Variants in DAOA observed in about 807,000 individuals in gnomAD.
DAOA encodes the protein D-amino acid oxidase regulator.
A neutral mutation model predicts 16.4 loss-of-function variants in DAOA; 15 were observed. The observed-to-expected ratio is 0.91, with a 90% CI of 0.61 to 1.41. The LOEUF is 1.41. Among genes scored for constraint, DAOA ranks in the 40% most tolerant of loss-of-function variants. The pLI, the probability that DAOA is intolerant of heterozygous loss-of-function variation, is 0.00. For synonymous variants in DAOA, 75 were observed against 59.1 expected, an observed-to-expected ratio of 1.27 and a Z score of -1.23; for missense variants, 230 against 176.8, an observed-to-expected ratio of 1.30 and a Z score of -1.71.
intron 3 of DAOA, 123 bp from the exon 4 acceptor site, chr13:105,472,415 C>A (rs1489509564): frequency 7.4e-7 from 1 of 1,353,482 alleles, no homozygotes. Context: ...AACCAAAAAC[C>A]TCTGAAAAAT....
intron 4 of DAOA, among the ~76,000 whole-genome samples, chr13:105,479,285 T>C (rs1303907207): frequency 6.6e-6 from 1 of 152,210 alleles, no homozygotes; most frequent in Non-Finnish European, 1.5e-5. Context: ...TACAGAAGTG[T>C]AAGAATGCTA....
At chr13:105,489,122 T>C (rs1878334423) in intron 4 of DAOA, among the ~76,000 whole-genome samples, 1 of 152,210 alleles carries the variant, frequency 6.6e-6, no homozygotes, top group African/African-American at 2.4e-5. Flanking sequence ...ACTTAGTGTG[T>C]CCAGGAAATT....
intron 4 of DAOA, among the ~76,000 whole-genome samples, chr13:105,473,852 T>C (rs929444562): frequency 6.6e-6 from 1 of 152,146 alleles, no homozygotes; most frequent in African/African-American, 2.4e-5. Context: ...CTAATCTTTT[T>C]GTACTACAGG....
At position 105,490,051 on chromosome 13, in the gene DAOA, C is replaced by T; in HGVS notation, c.432C>T (p.His144=). 1 of 1,583,832 alleles carries T rather than the reference C, an allele frequency of 6.3e-7. No homozygotes were observed. Among genetic ancestry groups the T allele is most frequent in the East Asian group, 2.3e-5 (1 of 43,290 alleles). ...YNQQKDQSCN[H]KEITSTKAE The stretch of plus-strand genomic sequence containing the variant: ...AGCAAAAAGACCAGTCATGCAACCA[C>T]AAGGAAATAACTTCTACCAAAGCTG... Residue 144 remains histidine (H), a synonymous_variant, in exon 5 of 6, where the codon CAC becomes CAT. Transcript: ENST00000375936.
intron 4 of DAOA, among the ~76,000 whole-genome samples, chr13:105,487,768 G>A (rs1438118314): frequency 2.6e-5 from 4 of 151,972 alleles, no homozygotes; most frequent in African/African-American, 9.7e-5. Context: ...TCTTTTGTTT[G>A]GGCTAAACAT....
intron 3 of DAOA, among the ~76,000 whole-genome samples, chr13:105,468,297 G>T (rs1198939726): frequency 6.6e-6 from 1 of 152,124 alleles, no homozygotes; most frequent in East Asian, 1.9e-4. Context: ...GACATTTTTG[G>T]GGGGTGGAGC....
At chr13:105,471,542 A>G (rs1002310877) in intron 3 of DAOA, among the ~76,000 whole-genome samples, 1 of 152,194 alleles carries the variant, frequency 6.6e-6, no homozygotes, top group Non-Finnish European at 1.5e-5. Context: ...TAAGAAAGGG[A>G]GTGCTATTTG....
chr13:105,480,528 A>G (rs1310903010), intron 4 of DAOA, among the ~76,000 whole-genome samples: 2 of 40,412 alleles, frequency 4.9e-5, no homozygotes, highest in Non-Finnish European at 1.1e-4. Context: ...GGATAGATAC[A>G]TAGATAGATA....
chr13:105,484,004 A>T lies in DAOA; in HGVS notation c.282-5897A>T, dbSNP rs897575518. Among the ~76,000 whole-genome samples, 125 of 152,206 alleles carry T rather than the reference A, an allele frequency of 8.2e-4. 3 individuals carry two copies. Among genetic ancestry groups the T allele is most frequent in the African/African-American group, 2.8e-3 (115 of 41,564 alleles). ...TCATATGTTTTCTTCCATGAGTTTTATAGTTAAAGATTTTACACCAACATC... is the reference window on the plus strand; with the variant it reads ...TCATATGTTTTCTTCCATGAGTTTTTTAGTTAAAGATTTTACACCAACATC... On this transcript the variant is annotated intron_variant, in intron 4 of 5. Coordinates refer to ENST00000375936, the MANE Select transcript of DAOA (RefSeq NM_172370.5).
chr13:105,489,542 A>C (rs1469295166), intron 4 of DAOA, among the ~76,000 whole-genome samples: 1 of 152,202 alleles, frequency 6.6e-6, no homozygotes, highest in African/African-American at 2.4e-5. Context: ...CAATAAGTAA[A>C]GTCATACAAA....
chr13:105,470,116 A>AT (rs33937275), intron 3 of DAOA, among the ~76,000 whole-genome samples: 65,162 of 142,210 alleles, frequency 0.46, 15,101 homozygotes, highest in African/African-American at 0.54. Flanking sequence ...GCTCATTGGA[A>AT]TTTTTTTTTT....
Position 105,466,214 on chromosome 13 carries a change from A to G in DAOA, c.-73-2A>G. 1 of 1,606,946 alleles carries G rather than the reference A, an allele frequency of 6.2e-7. No homozygotes were observed. Among genetic ancestry groups the G allele is most frequent in the Non-Finnish European group, 8.5e-7 (1 of 1,176,142 alleles). On this transcript the variant is annotated splice_acceptor_variant, in intron 1 of 5. Transcript: ENST00000375936. LOFTEE classifies it low-confidence loss of function (5UTR_SPLICE). ...GTGTATATGATGATTCTGTTGGTCC[A>G]GGATTTGGAAAGGGCATGGCAGGAG...
At chr13:105,486,474 T>C (rs1176971968) in intron 4 of DAOA, among the ~76,000 whole-genome samples, 1 of 152,164 alleles carries the variant, frequency 6.6e-6, no homozygotes, top group Non-Finnish European at 1.5e-5. Flanking sequence ...CGTTGACCTA[T>C]ATAGTGTCAT....
At chr13:105,478,876 G>GA (rs915711930) in intron 4 of DAOA, among the ~76,000 whole-genome samples, 1 of 152,032 alleles carries the variant, frequency 6.6e-6, no homozygotes, top group African/African-American at 2.4e-5. Context: ...CTACTTGGCT[G>GA]AAAAAATGGG....
At position 105,490,092 on chromosome 13, in the gene DAOA, A is replaced by C. The variant is rs1344050225; in HGVS notation, c.*11A>C. On this transcript the variant is annotated 3_prime_UTR_variant, in exon 5 of 6. Transcript: ENST00000375936. ...ACCAAAGCTGAATGAGTTTGGAAGC[A>C]GATTCTTCCCAGCCAATCCTTCTGA... is the stretch of plus-strand genomic sequence containing the variant. 7.8e-6 allele frequency: 12 copies of C among 1,546,566 alleles called. No individual in the cohort carries two copies. The highest frequency in any genetic ancestry group is 9.6e-6 in the Non-Finnish European group (11 of 1,143,360).
chr13:105,471,016 C>T (rs965191481), intron 3 of DAOA, among the ~76,000 whole-genome samples: 8 of 152,066 alleles, frequency 5.3e-5, no homozygotes, highest in Non-Finnish European at 1.5e-5. Context: ...TCTTGATCTC[C>T]TGACCTTGTG....
At chr13:105,481,905 T>C (rs554801621) in intron 4 of DAOA, among the ~76,000 whole-genome samples, 1 of 152,312 alleles carries the variant, frequency 6.6e-6, no homozygotes, top group East Asian at 1.9e-4. Flanking sequence ...CTCACACTGC[T>C]AATAAAGACA....
intron 4 of DAOA, among the ~76,000 whole-genome samples, chr13:105,477,788 G>A (rs9284226): frequency 0.36 from 54,661 of 151,926 alleles, 9,973 homozygotes; most frequent in African/African-American, 0.4. Context: ...GATATTTATC[G>A]GGTATCTACC....
chr13:105,484,544 A>G (rs921543273), intron 4 of DAOA, among the ~76,000 whole-genome samples: 2 of 152,082 alleles, frequency 1.3e-5, no homozygotes, highest in Non-Finnish European at 2.9e-5. Context: ...ATTTTGTCAG[A>G]TTTATCTGGA....
Sources: allele counts gnomAD v4.1 joint callset (sites outside exome capture counted in the v4.1 genomes callset), GRCh38; gene constraint gnomAD v4.1.1; transcripts MANE v1.5; gene names NCBI Gene and HGNC (gene_info 2026-07-23, HGNC 2026-07-21).